RPH3A: variants seen among roughly 807,000 people sequenced by gnomAD.
The protein encoded by RPH3A is rabphilin-3A.
Under a neutral mutation model 102.2 loss-of-function variants are expected in RPH3A, and 48 were observed. The observed-to-expected ratio is 0.47, with a 90% CI of 0.37 to 0.60. The LOEUF (loss-of-function observed/expected upper bound fraction) is 0.60, where lower values mean the gene tolerates loss of function less well. Ranked by LOEUF, RPH3A falls within the 20% of genes least tolerant of loss-of-function variation. The pLI is 0.00. For missense variants in RPH3A, 781 were observed against 910.1 expected (o/e 0.86, Z 1.83); for synonymous variants, 310 against 324.3 (o/e 0.96, Z 0.47).
At chr12:112,865,798 G>A (rs528160779) in intron 6 of RPH3A, among the ~76,000 whole-genome samples, 42 of 152,276 alleles carry the variant, frequency 2.8e-4, no homozygotes, top group Non-Finnish European at 4.4e-4. Flanking sequence ...GTGAACTAGG[G>A]AGCCTGTGGC....
chr12:112,786,028 G>C (rs181591414), intron 1 of RPH3A, among the ~76,000 whole-genome samples: 1 of 151,604 alleles, frequency 6.6e-6, no homozygotes, highest in Non-Finnish European at 1.5e-5. Context: ...GAGCGGGGAA[G>C]GTATGGTGGT....
At chr12:112,764,071 G>A (rs2040872022) in intron 1 of RPH3A, among the ~76,000 whole-genome samples, 2 of 152,192 alleles carry the variant, frequency 1.3e-5, no homozygotes, top group South Asian at 4.1e-4. Flanking sequence ...GAGAACCTGG[G>A]ACATTTCCAG....
intron 2 of RPH3A, among the ~76,000 whole-genome samples, chr12:112,819,134 C>T (rs940518361): frequency 1.3e-5 from 2 of 151,898 alleles, no homozygotes; most frequent in South Asian, 2.1e-4. Context: ...GAGATGGACT[C>T]TCACTCTGTC....
chr12:112,896,926 T>A lies in RPH3A; in HGVS notation c.*146T>A. 1.3e-6 allele frequency: 1 copy of A among 798,226 alleles called. No individual in the cohort carries two copies. Among genetic ancestry groups the A allele is most frequent in the Admixed American group, 2.8e-5 (1 of 36,248 alleles). 49.4% of individuals were successfully genotyped at this position (798,226 alleles called of 1,614,324 possible). A position where few individuals can be genotyped will look rare whatever the true frequency, so the allele number is the denominator to read the frequency against. ...AGCCTGCCTTTGAGCCCCCGTCACG[T>A]TGGGCACTGCTGCCAAAGACTCCCT... is the stretch of plus-strand genomic sequence containing the variant. On this transcript the variant is annotated 3_prime_UTR_variant, in exon 22 of 22. Transcript: ENST00000389385.
Position 112,760,937 on chromosome 12 carries a change from CCAAT to C in RPH3A, c.-139-31198_-139-31195del, listed in dbSNP as rs375632501. ...AACACAATGTTCCAGACAGCCACAA[CCAAT>C]CAATCAACACTGATATGATGAACAC... On this transcript the variant is annotated intron_variant, in intron 1 of 21. Coordinates refer to the RPH3A transcript ENST00000543106. 4.1e-3 allele frequency among the ~76,000 whole-genome samples: 623 copies of C among 152,292 alleles called. 6 individuals carry two copies. The highest frequency in any genetic ancestry group is 0.014 in the African/African-American group (597 of 41,554).
intron 1 of RPH3A, among the ~76,000 whole-genome samples, chr12:112,673,649 T>G (rs2040151326): frequency 6.6e-6 from 1 of 152,308 alleles, no homozygotes; most frequent in Non-Finnish European, 1.5e-5. Context: ...GAATGGGATA[T>G]TCATCCCTTC....
rs373295345 is a variant in RPH3A at position 112,608,178 on chromosome 12, C to T, written c.-140+32859C>T. 5.8e-4 allele frequency among the ~76,000 whole-genome samples: 87 copies of T among 149,884 alleles called. 1 individual carries two copies. Among genetic ancestry groups the T allele is most frequent in the African/African-American group, 1.9e-3 (79 of 40,654 alleles). On this transcript the variant is annotated intron_variant, in intron 1 of 21. Transcript: ENST00000543106. Reference sequence around the variant, plus strand: ...TTTCCCAGGCTGGAGTGCAGTGGGGCGATCTTGGCTTACTGCAATCTCTGC... The same window carrying T: ...TTTCCCAGGCTGGAGTGCAGTGGGGTGATCTTGGCTTACTGCAATCTCTGC...
chr12:112,592,421 C>T (rs977697507), intron 1 of RPH3A, among the ~76,000 whole-genome samples: 5 of 152,150 alleles, frequency 3.3e-5, no homozygotes, highest in Admixed American at 1.3e-4. Context: ...CGGGTTCAAG[C>T]GGCTCTTCTG....
intron 5 of RPH3A, among the ~76,000 whole-genome samples, chr12:112,858,266 C>CA (rs1164602599): frequency 0.013 from 586 of 44,748 alleles, 29 homozygotes; most frequent in South Asian, 0.022. Context: ...GACCCTGTCT[C>CA]AAAAAAAAAA....
chr12:112,729,948 G>A (rs540387908), intron 1 of RPH3A, among the ~76,000 whole-genome samples: 1 of 152,130 alleles, frequency 6.6e-6, no homozygotes, highest in African/African-American at 2.4e-5. Flanking sequence ...AGTATGATGG[G>A]CCCCTAATCC....
chr12:112,708,966 A>T (rs1337545766), intron 1 of RPH3A, among the ~76,000 whole-genome samples: 2 of 152,220 alleles, frequency 1.3e-5, no homozygotes, highest in African/African-American at 4.8e-5. Flanking sequence ...TCAGGCATAC[A>T]GGACACAGAG....
Position 112,710,201 on chromosome 12 carries a change from C to T in RPH3A, c.-139-81942C>T, listed in dbSNP as rs571694701. 1.1e-3 allele frequency among the ~76,000 whole-genome samples: 166 copies of T among 152,292 alleles called. 2 individuals are homozygous for T. Among genetic ancestry groups the T allele is most frequent in the African/African-American group, 3.6e-3 (149 of 41,570 alleles). On this transcript the variant is annotated intron_variant, in intron 1 of 21. Transcript: ENST00000543106. ...CCCTGTTAGCCAGGATGGTCTCGAT[C>T]TCCTGACCTCGTGATCCGCCTGTCT...
At chr12:112,843,705 C>T (rs2042185426) in intron 4 of RPH3A, among the ~76,000 whole-genome samples, 1 of 152,102 alleles carries the variant, frequency 6.6e-6, no homozygotes, top group Admixed American at 6.5e-5. Flanking sequence ...CACATGTGTT[C>T]AGTTTTGGTC....
chr12:112,795,005 G>T (rs13378015), intron 2 of RPH3A, among the ~76,000 whole-genome samples: 1 of 152,184 alleles, frequency 6.6e-6, no homozygotes, highest in Non-Finnish European at 1.5e-5. Flanking sequence ...GATTCCACAG[G>T]GGTAGCCTGG....
At chr12:112,743,229 G>A (rs1403720016) in intron 1 of RPH3A, among the ~76,000 whole-genome samples, 1 of 152,184 alleles carries the variant, frequency 6.6e-6, no homozygotes, top group Non-Finnish European at 1.5e-5. Flanking sequence ...ACCTCTTGGG[G>A]GTGGGTGGGG....
At chr12:112,836,352 A>G (rs958751681) in intron 3 of RPH3A, 139 bp from the exon 4 acceptor site, 2 of 408,228 alleles carry the variant, frequency 4.9e-6, no homozygotes, top group Non-Finnish European at 8.8e-6. Context: ...ATAAGGTAAT[A>G]ATGGCTGAAA....
At chr12:112,683,669 A>T (rs1025049816) in intron 1 of RPH3A, among the ~76,000 whole-genome samples, 10 of 152,134 alleles carry the variant, frequency 6.6e-5, no homozygotes, top group African/African-American at 2.4e-4. Context: ...GAATTGTCTC[A>T]CTGCTGAGTG....
intron 1 of RPH3A, among the ~76,000 whole-genome samples, chr12:112,656,660 A>G (rs1175421264): frequency 1.3e-5 from 2 of 152,130 alleles, no homozygotes; most frequent in Non-Finnish European, 2.9e-5. Context: ...CTTATTGGTG[A>G]GAATATGCGA....
At chr12:112,597,941 A>G (rs1286580419) in intron 1 of RPH3A, among the ~76,000 whole-genome samples, 2 of 152,214 alleles carry the variant, frequency 1.3e-5, no homozygotes, top group Non-Finnish European at 2.9e-5. Context: ...GCGACCCAAC[A>G]TTATGATTGT....
Sources: gnomAD v4.1 joint callset for allele counts (sites outside exome capture counted in the v4.1 genomes callset) on GRCh38, gnomAD v4.1.1 for gene constraint, MANE v1.5 for transcripts, NCBI Gene and HGNC (gene_info 2026-07-23, HGNC 2026-07-21) for gene names.